Variants in TENM2 observed in about 807,000 individuals in gnomAD.
TENM2 encodes teneurin-2.
A neutral mutation model predicts 245.2 loss-of-function variants in TENM2; 52 were observed. The ratio of observed to expected loss-of-function variants is 0.21; its 90% CI spans 0.17 to 0.27. The LOEUF is 0.27. TENM2 is among the 10% of genes least tolerant of loss of function. The pLI is 1.00. For missense variants in TENM2, 3,046 were observed against 3,666.8 expected, an observed-to-expected ratio of 0.83 and a Z score of 4.37; for synonymous variants, 1,363 against 1,438.9, an observed-to-expected ratio of 0.95 and a Z score of 1.19.
chr5:168,156,125 A>G (rs762136400), intron 12 of TENM2, among the ~76,000 whole-genome samples: 6 of 151,698 alleles, frequency 4.0e-5, no homozygotes, highest in Non-Finnish European at 2.9e-5. Context: ...ACCATTTTAC[A>G]AACAGGCTGA....
chr5:167,054,406 G>T, the TENM2 span, among the ~76,000 whole-genome samples: 1 of 152,036 alleles, frequency 6.6e-6, no homozygotes, highest in East Asian at 1.9e-4. Context: ...CCATTGTCTG[G>T]ATATAATACA....
chr5:168,188,507 A>G (rs911706194), intron 13 of TENM2, among the ~76,000 whole-genome samples: 5 of 152,226 alleles, frequency 3.3e-5, no homozygotes, highest in Non-Finnish European at 7.3e-5. Context: ...CCTCACAGAC[A>G]GGTGAGGAAT....
At position 168,218,119 on chromosome 5, in the gene TENM2, C is replaced by A. The variant is rs545365401; in HGVS notation, c.4234-6C>A. On this transcript the variant is annotated splice_polypyrimidine_tract_variant and splice_region_variant and intron_variant, in intron 22 of 28. Coordinates refer to ENST00000518659, the Ensembl canonical transcript of TENM2. The surrounding 1 kb of genome is among the most constrained non-coding windows in gnomAD (Gnocchi z 5.2). ...GTTCTTTAATCTGATACCACGTCAT[C>A]CACAGGTTCGTCTGGAGTGGCCAAC... 132 of 1,609,402 alleles carry A rather than the reference C, an allele frequency of 8.2e-5. No homozygotes were observed. Among genetic ancestry groups the A allele is most frequent in the Non-Finnish European group, 1.1e-4 (124 of 1,176,472 alleles).
chr5:167,355,033 G>A lies in TENM2; in HGVS notation c.227-20165G>A, dbSNP rs555711302. Among the ~76,000 whole-genome samples, 11 of 152,270 alleles carry A rather than the reference G, an allele frequency of 7.2e-5. No homozygotes were observed. The South Asian group carries it at 1.9e-3, about 26-fold the overall frequency. ...AAATAAACCATCAGGAATAAGATAC[G>A]ATATTGTAATTGCATATTTCTGTTT... On this transcript the variant is annotated intron_variant, in intron 1 of 28. Transcript: ENST00000518659.
At chr5:167,328,199 A>T (rs1349334232) in intron 1 of TENM2, among the ~76,000 whole-genome samples, 8 of 130,648 alleles carry the variant, frequency 6.1e-5, no homozygotes, top group Middle Eastern at 4.2e-3. Flanking sequence ...ATAGTTTCTC[A>T]TATCGTTTTT....
chr5:167,046,150 T>C, the TENM2 span, among the ~76,000 whole-genome samples: 1 of 152,176 alleles, frequency 6.6e-6, no homozygotes, highest in African/African-American at 2.4e-5. Flanking sequence ...AAAAAGGTAC[T>C]GTGGTTACCT....
At chr5:167,548,435 A>G (rs948097176) in intron 2 of TENM2, among the ~76,000 whole-genome samples, 1 of 152,126 alleles carries the variant, frequency 6.6e-6, no homozygotes, top group Non-Finnish European at 1.5e-5. Flanking sequence ...GCATTTTAGC[A>G]TCTTTGAATT....
chr5:167,172,322 A>T, the TENM2 span, among the ~76,000 whole-genome samples: 1 of 152,232 alleles, frequency 6.6e-6, no homozygotes, highest in African/African-American at 2.4e-5. Flanking sequence ...TGATCTATTC[A>T]TAGGCAATGT....
the TENM2 span, among the ~76,000 whole-genome samples, chr5:167,088,490 G>A: frequency 6.6e-6 from 1 of 151,944 alleles, no homozygotes; most frequent in South Asian, 2.1e-4. Flanking sequence ...AGAGGGGCGT[G>A]GTTTTGGGCA....
At chr5:167,377,841 A>C (rs1760856941) in intron 2 of TENM2, among the ~76,000 whole-genome samples, 1 of 152,176 alleles carries the variant, frequency 6.6e-6, no homozygotes, top group Non-Finnish European at 1.5e-5. Context: ...TTACAAAGCC[A>C]TCATTAATTT....
intron 5 of TENM2, among the ~76,000 whole-genome samples, chr5:168,042,512 C>G (rs1442914437): frequency 2.6e-5 from 4 of 152,130 alleles, no homozygotes; most frequent in African/African-American, 9.7e-5. Context: ...CACACATTCC[C>G]TAATTACTAT....
intron 3 of TENM2, among the ~76,000 whole-genome samples, chr5:167,945,877 G>C (rs1480776072): frequency 6.6e-6 from 1 of 152,114 alleles, no homozygotes; most frequent in African/African-American, 2.4e-5. Flanking sequence ...GCTAGAGCTG[G>C]AGCCAGCGGC....
At chr5:167,667,831 TGTGAAG>T (rs1386360129) in intron 2 of TENM2, among the ~76,000 whole-genome samples, 3 of 152,282 alleles carry the variant, frequency 2.0e-5, no homozygotes, top group East Asian at 3.9e-4. Context: ...TGGCGTGTGT[TGTGAAG>T]GCCAGGGAAT....
At chr5:167,065,416 C>T in the TENM2 span, among the ~76,000 whole-genome samples, 2 of 152,134 alleles carry the variant, frequency 1.3e-5, no homozygotes, top group African/African-American at 4.8e-5. Context: ...TCACTTTCTT[C>T]TTCTAAAATA....
intron 2 of TENM2, among the ~76,000 whole-genome samples, chr5:167,530,685 G>A (rs1582303620): frequency 6.6e-6 from 1 of 152,300 alleles, no homozygotes; most frequent in South Asian, 2.1e-4. Context: ...GTCAGGTGGA[G>A]CCCTGTGCTT....
chr5:168,217,022 G>GAGATAC, intron 22 of TENM2, 100 bp downstream of exon 24: 1 of 1,321,126 alleles, frequency 7.6e-7, no homozygotes, highest in Admixed American at 2.0e-5. Flanking sequence ...ATGGGAGGGA[G>GAGATAC]AGATACAGAT....
intron 4 of TENM2, among the ~76,000 whole-genome samples, chr5:167,970,090 G>GACAC (rs1357504088): frequency 1.3e-5 from 2 of 152,222 alleles, no homozygotes; most frequent in Non-Finnish European, 2.9e-5. Flanking sequence ...CCTCCAGGCA[G>GACAC]ACACAGTCCC....
chr5:167,499,950 GTGTA>G (rs1392763091), intron 2 of TENM2, among the ~76,000 whole-genome samples: 2 of 149,322 alleles, frequency 1.3e-5, no homozygotes, highest in African/African-American at 2.5e-5. Flanking sequence ...GGGTGTGTGT[GTGTA>G]TGTACGTGTA....
chr5:168,012,740 G>T (rs1207565836), intron 5 of TENM2, among the ~76,000 whole-genome samples: 4 of 129,674 alleles, frequency 3.1e-5, no homozygotes, highest in Non-Finnish European at 6.3e-5. Context: ...TTCAGTTAGG[G>T]ATACCTTTCA....
Sources: gnomAD v4.1 joint callset for allele counts (sites outside exome capture counted in the v4.1 genomes callset) on GRCh38, gnomAD v4.1.1 for gene constraint, Gnocchi (gnomAD v3.1) non-coding constraint, MANE v1.5 for transcripts, NCBI Gene and HGNC (gene_info 2026-07-23, HGNC 2026-07-21) for gene names.